The following TTC21B variants were observed in gnomAD, a reference collection of about 807,000 sequenced individuals.
TTC21B encodes the protein tetratricopeptide repeat domain 21B.
Under a neutral mutation model 175.1 loss-of-function variants are expected in TTC21B, and 127 were observed. The ratio of observed to expected loss-of-function variants is 0.73; its 90% CI spans 0.63 to 0.84. The LOEUF (loss-of-function observed/expected upper bound fraction) is 0.84, where lower values mean the gene tolerates loss of function less well. Ranked by LOEUF, TTC21B falls within the 40% of genes least tolerant of loss-of-function variation. The pLI is 0.00. For missense variants in TTC21B, 1,561 were observed against 1,558.3 expected (o/e 1.00, Z -0.03); for synonymous variants, 524 against 524.5 (o/e 1.00, Z 0.01).
At position 165,941,015 on chromosome 2, in the gene TTC21B, T is replaced by C. The variant is rs1687346383; in HGVS notation, c.710+12A>G. On this transcript the variant is annotated intron_variant, in intron 6 of 28. Coordinates refer to ENST00000243344, the MANE Select transcript of TTC21B (RefSeq NM_024753.5). ...AATCCAAAGAGACTTGTGTCATCTT[T>C]TATTACTTAACCTTTGTGCTGTCTC... 1 of 1,613,732 alleles carries C rather than the reference T, an allele frequency of 6.2e-7. No individual in the cohort carries two copies. Among genetic ancestry groups the C allele is most frequent in the Non-Finnish European group, 8.5e-7 (1 of 1,179,688 alleles).
intron 18 of TTC21B, among the ~76,000 whole-genome samples, 165 bp downstream of exon 18, chr2:165,911,162 A>G (rs1466111210): frequency 6.6e-6 from 1 of 152,214 alleles, no homozygotes; most frequent in South Asian, 2.1e-4. Flanking sequence ...ATTTCAAAAT[A>G]TCACATTTTA....
chr2:165,884,773 C>G, intron 25 of TTC21B, among the ~76,000 whole-genome samples: 1 of 152,134 alleles, frequency 6.6e-6, no homozygotes, highest in East Asian at 1.9e-4. Context: ...AGTGATCTAT[C>G]CAGACAACTA....
chr2:165,949,897 A>G (rs1447951129), intron 1 of TTC21B, 173 bp from the exon 2 acceptor site: 3 of 575,858 alleles, frequency 5.2e-6, no homozygotes, highest in Non-Finnish European at 9.0e-6. Flanking sequence ...TAAGGATTGC[A>G]GAACTGAATG....
intron 22 of TTC21B, 103 bp from the exon 23 acceptor site, chr2:165,891,091 C>A: frequency 9.9e-7 from 1 of 1,006,848 alleles, no homozygotes; most frequent in Non-Finnish European, 1.5e-6. Context: ...ATATAAAGTA[C>A]ATTTTAAATA....
At chr2:165,879,067 C>T (rs1280192654) in intron 27 of TTC21B, among the ~76,000 whole-genome samples, 8 of 152,064 alleles carry the variant, frequency 5.3e-5, no homozygotes, top group African/African-American at 9.7e-5. Context: ...GTGTTAGATG[C>T]AATGACAATC....
Position 165,873,435 on chromosome 2 carries a change from T to C in TTC21B, c.*1320A>G, listed in dbSNP as rs1273581526. 6.6e-6 allele frequency: 1 copy of C among 152,094 alleles called. No individual in the cohort carries two copies. Among genetic ancestry groups the C allele is most frequent in the Non-Finnish European group, 1.5e-5 (1 of 68,016 alleles). 9.4% of individuals were successfully genotyped at this position (152,094 alleles called of 1,614,324 possible). ...TGTTTACTACAATTTTAAGGAAAAT[T>C]GAAAAAGATGTAGATGAGAAATTAA... On this transcript the variant is annotated 3_prime_UTR_variant, in exon 29 of 29. Coordinates refer to ENST00000243344, the MANE Select transcript of TTC21B (RefSeq NM_024753.5).
chr2:165,895,894 G>A (rs1031141885), intron 22 of TTC21B, among the ~76,000 whole-genome samples: 1 of 152,086 alleles, frequency 6.6e-6, no homozygotes, highest in African/African-American at 2.4e-5. Context: ...AAAACTCAAA[G>A]AGTAAAAATA....
chr2:165,912,828 C>T (rs923591709), intron 16 of TTC21B, among the ~76,000 whole-genome samples: 11 of 152,158 alleles, frequency 7.2e-5, no homozygotes, highest in African/African-American at 2.7e-4. Context: ...TAGGATAATT[C>T]TACCCATATT....
intron 22 of TTC21B, among the ~76,000 whole-genome samples, chr2:165,895,015 G>C (rs1228672346): frequency 3.3e-5 from 5 of 152,100 alleles, no homozygotes; most frequent in Non-Finnish European, 7.4e-5. Flanking sequence ...ATCTAGGATG[G>C]TTGGTCATGC....
rs1165947638 is a variant in TTC21B at position 165,874,819 on chromosome 2, T to C, written c.3887A>G (p.His1296Arg). Residue 1296 changes from histidine to arginine, a missense_variant, in exon 29 of 29, where the codon CAT becomes CGT. Coordinates refer to ENST00000243344, the MANE Select transcript of TTC21B (RefSeq NM_024753.5). Reference protein sequence around the residue: ...IDICHQVLEAHPTYPKIRKDI... With the variant: ...IDICHQVLEARPTYPKIRKDI... The stretch of plus-strand genomic sequence containing the variant: ...CTTTCTGATTTTTGGATAAGTTGGA[T>C]GTGCTTCAAGAACCTGCAAAACAAA... The C allele has an allele frequency of 1.4e-5, 23 of 1,613,584 alleles. No homozygotes were observed. The highest frequency in any genetic ancestry group is 2.7e-5 in the African/African-American group (2 of 74,896).
chr2:165,950,070 T>TAA lies in TTC21B; in HGVS notation c.22-348_22-347dup, dbSNP rs769740344. ...AGAAAGGCAGACAATAAACAGGAAC[T>TAA]AAAAAAAAAAAAAAAAAGACAAGAG... On this transcript the variant is annotated intron_variant, in intron 1 of 28. Coordinates refer to ENST00000243344, the MANE Select transcript of TTC21B (RefSeq NM_024753.5). 4.4e-3 allele frequency among the ~76,000 whole-genome samples: 563 copies of TAA among 128,842 alleles called. 3 individuals carry two copies. The highest frequency in any genetic ancestry group is 0.031 in the East Asian group (138 of 4,484). 84.5% of individuals were successfully genotyped at this position (128,842 alleles called of 152,430 possible). A position where few individuals can be genotyped will look rare whatever the true frequency, so the allele number is the denominator to read the frequency against.
Position 165,884,012 on chromosome 2 carries a change from G to A in TTC21B, c.3466C>T (p.His1156Tyr), listed in dbSNP as rs1237164282. The change falls in exon 26 of 29, where the codon CAT becomes TAT. Residue 1156 changes from histidine (H) to tyrosine (Y), a missense_variant. By Grantham distance (83) the His-to-Tyr change is moderately conservative. Coordinates refer to ENST00000243344, the MANE Select transcript of TTC21B (RefSeq NM_024753.5). ...GCCATTCCCAAGAGCGCTGGGATAT[G>A]CTCCTTCTATAAGAAAACAAAATTT... Reference protein sequence around the residue: ...FTEIAASEKEHIPALLGMATA... With the variant: ...FTEIAASEKEYIPALLGMATA... The A allele has an allele frequency of 7.4e-6, 12 of 1,613,706 alleles. No homozygotes were observed. Among genetic ancestry groups the A allele is most frequent in the South Asian group, 1.1e-5 (1 of 91,064 alleles).
At chr2:165,890,711 T>C in intron 23 of TTC21B, 71 bp from the exon 24 acceptor site, 3 of 1,559,166 alleles carry the variant, frequency 1.9e-6, no homozygotes, top group Non-Finnish European at 2.6e-6. Flanking sequence ...TTATAATCTG[T>C]CTGGTAAATA....
rs147205805 is a variant in TTC21B at position 165,930,088 on chromosome 2, C to A, written c.1087+84G>T. ...ATTTAAGTTTAGAAAACCACAAAATCCATGTGTTCTTCTCTAATGGCAAGT... is the reference window on the plus strand; with the variant it reads ...ATTTAAGTTTAGAAAACCACAAAATACATGTGTTCTTCTCTAATGGCAAGT... On this transcript the variant is annotated intron_variant, in intron 9 of 28. Transcript: ENST00000243344. The A allele has an allele frequency of 7.8e-4, 1,037 of 1,333,908 alleles. 4 individuals carry two copies. Among genetic ancestry groups the A allele is most frequent in the Non-Finnish European group, 1.0e-3 (953 of 939,398 alleles). The allele number at this position is 1,333,908 out of a possible 1,614,324, so 82.6% of individuals were successfully genotyped here. A position where few individuals can be genotyped will look rare whatever the true frequency, so the allele number is the denominator to read the frequency against.
chr2:165,911,396 G>A lies in TTC21B; in HGVS notation c.2392C>T (p.Leu798Phe). 6.2e-7 allele frequency: 1 copy of A among 1,613,846 alleles called. No homozygotes were observed. Among genetic ancestry groups the A allele is most frequent in the Non-Finnish European group, 8.5e-7 (1 of 1,179,904 alleles). Residue 798 changes from leucine (L) to phenylalanine (F), a missense_variant, in exon 18 of 29, where the codon CTC becomes TTC. By Grantham distance (22) the Leu-to-Phe change is conservative. Transcript: ENST00000243344. ...TCATACCATTTCAATTTTAATAAGA[G>A]CTCAGCCAGGTCATAGCAAAGATAA... ...KNYLCYDLAE[L>F]LLKLKWYDKA...
rs1686216722 is a variant in TTC21B at position 165,917,411 on chromosome 2, G to A, written c.1745C>T (p.Ala582Val). Residue 582 changes from alanine to valine, a missense_variant, in exon 14 of 29, where the codon GCA (alanine) becomes GTA (valine). Coordinates refer to ENST00000243344, the MANE Select transcript of TTC21B (RefSeq NM_024753.5). ...CATTGCCATATGCAGTGTTTTAATT[G>A]CGTCTGCTATTTCTCCCATTTTCTT... is the stretch of plus-strand genomic sequence containing the variant. ...SQKKMGEIADAIKTLHMAMSL... is the reference protein window; with the variant it reads ...SQKKMGEIADVIKTLHMAMSL... 1 of 1,613,860 alleles carries A rather than the reference G, an allele frequency of 6.2e-7. No homozygotes were observed. Among genetic ancestry groups the A allele is most frequent in the Admixed American group, 1.7e-5 (1 of 59,988 alleles).
At chr2:165,952,008 C>T (rs1687775937) in intron 1 of TTC21B, among the ~76,000 whole-genome samples, 1 of 152,160 alleles carries the variant, frequency 6.6e-6, no homozygotes, top group Non-Finnish European at 1.5e-5. Flanking sequence ...CACGCTCTTC[C>T]TATTTCCTTT....
chr2:165,875,440 A>T (rs1423171893), intron 28 of TTC21B, among the ~76,000 whole-genome samples: 1 of 152,180 alleles, frequency 6.6e-6, no homozygotes, highest in African/African-American at 2.4e-5. Context: ...GATAAGGGGC[A>T]TTACAAAATT....
chr2:165,910,871 T>C lies in TTC21B; in HGVS notation c.2461+456A>G, dbSNP rs527773261. 2.5e-3 allele frequency among the ~76,000 whole-genome samples: 381 copies of C among 152,160 alleles called. 5 individuals are homozygous for C. The South Asian group carries it at 0.03, about 12-fold the overall frequency. On this transcript the variant is annotated intron_variant, in intron 18 of 28. Coordinates refer to ENST00000243344, the MANE Select transcript of TTC21B (RefSeq NM_024753.5). ...AGGAAAATCACATTACACTTATATA[T>C]ACACACACATATATAGAATATATAT...
Sources: gnomAD v4.1 joint callset for allele counts (sites outside exome capture counted in the v4.1 genomes callset) on GRCh38, gnomAD v4.1.1 for gene constraint, MANE v1.5 for transcripts, NCBI Gene and HGNC (gene_info 2026-07-23, HGNC 2026-07-21) for gene names.